The following C19orf47 variants were observed in gnomAD, a reference collection of about 807,000 sequenced individuals.
C19orf47 encodes the protein chromosome 19 open reading frame 47, also known as uncharacterized protein C19orf47.
Under a neutral mutation model 32.3 loss-of-function variants are expected in C19orf47, and 18 were observed. The ratio of observed to expected loss-of-function variants is 0.56; its 90% CI spans 0.39 to 0.83. The LOEUF (loss-of-function observed/expected upper bound fraction) is 0.83. C19orf47 is among the 40% of genes least tolerant of loss of function. The probability of loss-of-function intolerance (pLI) is 0.00; values close to 1 mark genes in which losing one functional copy is unlikely to be tolerated. For missense variants in C19orf47, 484 were observed against 531.6 expected, an observed-to-expected ratio of 0.91 and a Z score of 0.88; for synonymous variants, 202 against 211.1, an observed-to-expected ratio of 0.96 and a Z score of 0.37.
Position 40,328,523 on chromosome 19 carries a change from A to C in C19orf47, c.329T>G (p.Leu110Arg). 1 of 1,608,728 alleles carries C rather than the reference A, an allele frequency of 6.2e-7. No homozygotes were observed. The highest frequency in any genetic ancestry group is 8.5e-7 in the Non-Finnish European group (1 of 1,177,968). The change falls in exon 6 of 9, where the codon CTG becomes CGG. Residue 110 changes from leucine to arginine, a missense_variant. Physicochemically the swap from Leu to Arg is moderately radical, Grantham distance 102 (BLOSUM62 -2). Around this residue, in one of 3 missense-constraint regions of C19orf47, gnomAD observed 376 missense variants for 370.2 expected, o/e 1.02. Transcript: ENST00000683109. ...TGTGCTGGGTGGAGAGTCATGGTTC[A>C]GGCTGTTGGTGATCATTCGGGAGGC... ...SAASRMITNS[L>R]NHDSPPSTPP...
the C19orf47 span, among the ~76,000 whole-genome samples, chr19:40,305,547 CTA>C: frequency 1.2e-4 from 19 of 152,282 alleles, no homozygotes; most frequent in Non-Finnish European, 2.4e-4. Flanking sequence ...AGAAACCCAG[CTA>C]TGTCTTGCAG....
At chr19:40,303,663 G>A in the C19orf47 span, among the ~76,000 whole-genome samples, 1 of 151,746 alleles carries the variant, frequency 6.6e-6, no homozygotes, top group East Asian at 1.9e-4. Flanking sequence ...AATTAGCCGG[G>A]CGTGGTGGCA....
rs375387543 is a variant in C19orf47, at chr19:40,324,042, G to A, written c.627C>T (p.Gly209=). The A allele has an allele frequency of 3.5e-5, 57 of 1,614,220 alleles. No individual in the cohort carries two copies. The highest frequency in any genetic ancestry group is 2.5e-4 in the Admixed American group (15 of 60,024). The part of the protein sequence containing the change: ...LHRTSVFDRL[G]AETKADTTTG... Reference sequence around the variant, plus strand: ...TCGTGGTGTCTGCCTTGGTCTCGGCGCCGAGGCGGTCAAACACAGACGTCC... The same window carrying A: ...TCGTGGTGTCTGCCTTGGTCTCGGCACCGAGGCGGTCAAACACAGACGTCC... Residue 209 remains glycine, a synonymous_variant, in exon 8 of 9, where the codon GGC becomes GGT. Coordinates refer to ENST00000683109, the MANE Select transcript of C19orf47 (RefSeq NM_001256441.2).
At chr19:40,338,124 G>C (rs1265340947) in intron 2 of C19orf47, among the ~76,000 whole-genome samples, 2 of 151,872 alleles carry the variant, frequency 1.3e-5, no homozygotes, top group African/African-American at 4.8e-5. Context: ...GCCTAGGCCA[G>C]AGTGCAGTGG....
chr19:40,308,277 T>C, the C19orf47 span, among the ~76,000 whole-genome samples: 2 of 151,984 alleles, frequency 1.3e-5, no homozygotes, highest in Non-Finnish European at 2.9e-5. Context: ...TGCCTCAGCC[T>C]CCAGAGTAGC....
the C19orf47 span, among the ~76,000 whole-genome samples, chr19:40,298,301 CAAAAAAAAA>C: frequency 1.4e-5 from 1 of 71,066 alleles, no homozygotes; most frequent in Admixed American, 1.6e-4. Flanking sequence ...AACATTGTCT[CAAAAAAAAA>C]AAAAAAAAAG....
At chr19:40,340,356 C>T (rs1390548212) in intron 2 of C19orf47, among the ~76,000 whole-genome samples, 1 of 152,064 alleles carries the variant, frequency 6.6e-6, no homozygotes, top group Non-Finnish European at 1.5e-5. Context: ...ATAGATTTTG[C>T]CTGCTTCTAT....
chr19:40,312,336 G>A, the C19orf47 span, among the ~76,000 whole-genome samples: 2 of 152,038 alleles, frequency 1.3e-5, no homozygotes, highest in Non-Finnish European at 2.9e-5. Context: ...TCACGAGGTC[G>A]AGATCGAGAC....
In C19orf47 at chr19:40,322,348, G is replaced by A; in HGVS notation, c.692C>T (p.Ala231Val). 6.3e-7 allele frequency: 1 copy of A among 1,595,164 alleles called. No individual in the cohort carries two copies. Among genetic ancestry groups the A allele is most frequent in the Non-Finnish European group, 8.6e-7 (1 of 1,168,444 alleles). ...CAGATCCTCGTCCGTTTCTGGGGTG[G>A]CCCCCAGGCGGCTGAAGACTCCTGT... is the stretch of plus-strand genomic sequence containing the variant. ...KPTGVFSRLG[A>V]TPETDEDLAW... The change falls in exon 9 of 9, where the codon GCC becomes GTC. Residue 231 changes from alanine (A) to valine (V), a missense_variant. Physicochemically the swap from Ala to Val is moderately conservative, Grantham distance 64 (BLOSUM62 0). Coordinates refer to ENST00000683109, the MANE Select transcript of C19orf47 (RefSeq NM_001256441.2).
intron 1 of C19orf47, among the ~76,000 whole-genome samples, chr19:40,346,717 G>A (rs980332614): frequency 1.3e-5 from 2 of 151,558 alleles, no homozygotes; most frequent in East Asian, 2.0e-4. Flanking sequence ...TAGTAGAGAC[G>A]GGGTTTCACC....
In C19orf47 at chr19:40,340,517, C is replaced by T. The variant is rs993915867; in HGVS notation, c.19+1322G>A. Reference sequence around the variant, plus strand: ...CCAACATGGTGAAACCCCATCTCTACTAAAAATACAAAAATTAGCTGGGCG... The same window carrying T: ...CCAACATGGTGAAACCCCATCTCTATTAAAAATACAAAAATTAGCTGGGCG... On this transcript the variant is annotated intron_variant, in intron 2 of 8. Coordinates refer to ENST00000683109, the MANE Select transcript of C19orf47 (RefSeq NM_001256441.2). Among the ~76,000 whole-genome samples the T allele has an allele frequency of 2.2e-4, 33 of 151,222 alleles. 1 individual carries two copies. The highest frequency in any genetic ancestry group is 8.0e-4 in the African/African-American group (33 of 41,028).
chr19:40,346,675 C>T (rs1426977353), intron 1 of C19orf47, among the ~76,000 whole-genome samples: 1 of 151,188 alleles, frequency 6.6e-6, no homozygotes, highest in Non-Finnish European at 1.5e-5. Context: ...TACAGGCCCC[C>T]ACCACCATGC....
upstream of C19orf47, chr19:40,348,483 G>A: frequency 2.0e-6 from 3 of 1,496,638 alleles, no homozygotes; most frequent in East Asian, 2.8e-5. Context: ...ACCCCAACAG[G>A]CCGCCACCAG....
chr19:40,316,688 A>G (rs1190333115), downstream of C19orf47, among the ~76,000 whole-genome samples: 2 of 152,172 alleles, frequency 1.3e-5, no homozygotes, highest in East Asian at 3.8e-4. Context: ...GATGCCAATC[A>G]TCTTGGAGGA....
the C19orf47 span, among the ~76,000 whole-genome samples, chr19:40,297,817 T>G: frequency 6.9e-6 from 1 of 143,888 alleles, no homozygotes; most frequent in Non-Finnish European, 1.5e-5. Context: ...GAGGTTGCAG[T>G]GAGCTGAGAT....
intron 1 of C19orf47, among the ~76,000 whole-genome samples, chr19:40,347,793 A>G (rs2078346205): frequency 6.6e-6 from 1 of 152,140 alleles, no homozygotes; most frequent in Admixed American, 6.6e-5. Context: ...AATCATTATC[A>G]TTATAGTCCC....
At chr19:40,330,223 CTTTCTTTTT>C (rs1280182447) in intron 5 of C19orf47, among the ~76,000 whole-genome samples, 1 of 151,492 alleles carries the variant, frequency 6.6e-6, no homozygotes, top group Non-Finnish European at 1.5e-5. Flanking sequence ...TTTACTTTCC[CTTTCTTTTT>C]TTTCTTTTTT....
the C19orf47 span, among the ~76,000 whole-genome samples, chr19:40,314,358 C>A: frequency 6.6e-6 from 1 of 151,898 alleles, no homozygotes; most frequent in African/African-American, 2.4e-5. Flanking sequence ...ACTCAGGAGG[C>A]GGAGGTTGTG....
chr19:40,323,956 G>C, intron 8 of C19orf47, 50 bp downstream of exon 8: 1 of 1,605,704 alleles, frequency 6.2e-7, no homozygotes, highest in Non-Finnish European at 8.5e-7. Context: ...GCACCGCTCA[G>C]GGAAGACAAC....
Sources: gnomAD v4.1 joint callset for allele counts (sites outside exome capture counted in the v4.1 genomes callset) on GRCh38, gnomAD v4.1.1 for gene constraint, gnomAD v4.1.1 regional missense constraint, MANE v1.5 for transcripts, NCBI Gene and HGNC (gene_info 2026-07-23, HGNC 2026-07-21) for gene names.